The following FAT3 variants were observed in gnomAD, a reference collection of about 807,000 sequenced individuals.
FAT3 encodes FAT atypical cadherin 3.
A neutral mutation model predicts 310.2 loss-of-function variants in FAT3; 95 were observed. That is an observed-to-expected ratio of 0.31 (90% CI 0.26 to 0.36). The LOEUF is 0.36. Among genes scored for constraint, FAT3 ranks in the 10% least tolerant of loss-of-function variants. FAT3 has a pLI of 1.00. For synonymous variants in FAT3, 2,314 were observed against 2,192.9 expected, an observed-to-expected ratio of 1.06 and a Z score of -1.54; for missense variants, 5,408 against 5,715.6, an observed-to-expected ratio of 0.95 and a Z score of 1.74.
chr11:92,647,698 T>C (rs1214849637), intron 3 of FAT3, among the ~76,000 whole-genome samples: 1 of 152,160 alleles, frequency 6.6e-6, no homozygotes, highest in Non-Finnish European at 1.5e-5. Context: ...AATGAGCTTA[T>C]AGTTTTGCAA....
rs1454567045 is a variant in FAT3, at chr11:92,353,339, CA to C, written c.1230del (p.Lys410AsnfsTer19). 6.2e-7 allele frequency: 1 copy of C among 1,613,414 alleles called. No individual in the cohort carries two copies. The highest frequency in any genetic ancestry group is 1.1e-5 in the South Asian group (1 of 91,038). On this transcript the variant is annotated frameshift_variant, in exon 2 of 28. Transcript: ENST00000525166. LOFTEE classifies it high-confidence loss of function. ...LSPEPIDVEY[K>X]LSPGEDAVYF... ...GTCCTGAACCGATAGATGTGGAATACAAATTATCTCCTGGTGAGGATGCAGT... is the reference window on the plus strand; with the variant it reads ...GTCCTGAACCGATAGATGTGGAATACAATTATCTCCTGGTGAGGATGCAGT...
At chr11:92,880,618 G>A in intron 22 of FAT3, 113 bp from the exon 23 acceptor site, 2 of 1,214,662 alleles carry the variant, frequency 1.6e-6, no homozygotes, top group Non-Finnish European at 2.2e-6. Context: ...TGGAATTTGG[G>A]CCCTTCCTAT....
chr11:92,547,186 G>A (rs948599389), intron 3 of FAT3, among the ~76,000 whole-genome samples: 2 of 152,266 alleles, frequency 1.3e-5, no homozygotes, highest in South Asian at 4.2e-4. Context: ...TGGCCAAATA[G>A]CCAGTCTCAC....
intron 4 of FAT3, among the ~76,000 whole-genome samples, chr11:92,706,366 G>C (rs1033758820): frequency 3.9e-5 from 6 of 152,106 alleles, no homozygotes; most frequent in African/African-American, 1.4e-4. Context: ...AGATGCCATG[G>C]GTCTGGGTAG....
At chr11:92,463,714 T>C (rs1041644462) in intron 2 of FAT3, among the ~76,000 whole-genome samples, 3 of 152,134 alleles carry the variant, frequency 2.0e-5, no homozygotes, top group Non-Finnish European at 2.9e-5. Flanking sequence ...TAACAAGCAC[T>C]CCAGGTTATT....
intron 1 of FAT3, among the ~76,000 whole-genome samples, chr11:92,342,710 G>A (rs893248726): frequency 6.6e-6 from 1 of 152,042 alleles, no homozygotes; most frequent in African/African-American, 2.4e-5. Context: ...TACTAGAAAA[G>A]GTTTTCTTTT....
chr11:92,307,955 T>C (rs370625412), intron 1 of FAT3, among the ~76,000 whole-genome samples: 1 of 152,218 alleles, frequency 6.6e-6, no homozygotes, highest in South Asian at 2.1e-4. Context: ...ATTTGATCTT[T>C]AGTAATTTTA....
chr11:92,637,612 A>G (rs1008904329), intron 3 of FAT3, among the ~76,000 whole-genome samples: 1 of 152,182 alleles, frequency 6.6e-6, no homozygotes, highest in African/African-American at 2.4e-5. Flanking sequence ...CATTTCCACT[A>G]AGTAGTCAGC....
At chr11:92,713,335 C>T (rs929057489) in intron 4 of FAT3, among the ~76,000 whole-genome samples, 3 of 152,200 alleles carry the variant, frequency 2.0e-5, no homozygotes, top group African/African-American at 7.2e-5. Context: ...ATTATTTTAG[C>T]TACCAACTTG....
intron 2 of FAT3, among the ~76,000 whole-genome samples, chr11:92,404,671 G>A (rs1950097984): frequency 6.6e-6 from 1 of 151,824 alleles, no homozygotes; most frequent in African/African-American, 2.4e-5. Context: ...GCCAAAGGAT[G>A]CCCAGATAGC....
intron 3 of FAT3, among the ~76,000 whole-genome samples, chr11:92,683,069 C>T (rs576295878): frequency 5.8e-5 from 2 of 34,422 alleles, no homozygotes; most frequent in African/African-American, 4.5e-4. Context: ...CACAGCAAGA[C>T]TCTAAAAAAA....
chr11:92,355,532 C>T (rs190609558), intron 2 of FAT3, 128 bp downstream of exon 2: 57 of 838,780 alleles, frequency 6.8e-5, no homozygotes, highest in Non-Finnish European at 8.5e-5. Flanking sequence ...GCAGAGACGA[C>T]GCACATAGAT....
intron 3 of FAT3, among the ~76,000 whole-genome samples, chr11:92,691,839 T>C (rs1943806211): frequency 6.6e-6 from 1 of 152,192 alleles, no homozygotes; most frequent in Non-Finnish European, 1.5e-5. Context: ...TAAAGACATG[T>C]ATTAGGTCTG....
chr11:92,547,233 C>A (rs935404210), intron 3 of FAT3, among the ~76,000 whole-genome samples: 1 of 152,170 alleles, frequency 6.6e-6, no homozygotes, highest in African/African-American at 2.4e-5. Context: ...TTAATCCCAA[C>A]AGATGATTGA....
chr11:92,446,548 T>TA lies in FAT3; in HGVS notation c.3293-78074dup, dbSNP rs544247562. 2.0e-3 allele frequency among the ~76,000 whole-genome samples: 288 copies of TA among 143,570 alleles called. 2 individuals are homozygous for TA. Among genetic ancestry groups the TA allele is most frequent in the East Asian group, 0.014 (70 of 4,996 alleles). 94.2% of individuals were successfully genotyped at this position (143,570 alleles called of 152,430 possible). A position where few individuals can be genotyped will look rare whatever the true frequency, so the allele number is the denominator to read the frequency against. On this transcript the variant is annotated intron_variant, in intron 2 of 27. Transcript: ENST00000525166. ...TATCAAGTTAGAATAAGCTTCTCAA[T>TA]AAAAAAAAAAAATCAAAACCACAAC...
chr11:92,472,618 T>C (rs1243593417), intron 2 of FAT3, among the ~76,000 whole-genome samples: 1 of 152,178 alleles, frequency 6.6e-6, no homozygotes, highest in Non-Finnish European at 1.5e-5. Flanking sequence ...GTCTTGTGTA[T>C]ATAGCATACA....
chr11:92,487,312 T>C (rs1952444219), intron 2 of FAT3, among the ~76,000 whole-genome samples: 1 of 152,174 alleles, frequency 6.6e-6, no homozygotes, highest in African/African-American at 2.4e-5. Context: ...AAATAAAACA[T>C]TTGCAGGCTG....
intron 1 of FAT3, among the ~76,000 whole-genome samples, chr11:92,226,114 T>C (rs1863896403): frequency 1.3e-5 from 2 of 152,052 alleles, no homozygotes; most frequent in South Asian, 4.1e-4. Flanking sequence ...TGTAGGGGGC[T>C]GAGGGGCGCT....
intron 4 of FAT3, among the ~76,000 whole-genome samples, chr11:92,721,813 T>C (rs1287660367): frequency 1.3e-5 from 2 of 152,172 alleles, no homozygotes; most frequent in African/African-American, 2.4e-5. Flanking sequence ...GCATATCTTA[T>C]GTGCCAGCAG....
Sources: allele counts gnomAD v4.1 joint callset (sites outside exome capture counted in the v4.1 genomes callset), GRCh38; gene constraint gnomAD v4.1.1; transcripts MANE v1.5; gene names NCBI Gene and HGNC (gene_info 2026-07-23, HGNC 2026-07-21).